The following ATP10B variants were observed in gnomAD, a reference collection of about 807,000 sequenced individuals.
ATP10B encodes ATPase phospholipid transporting 10B (putative).
ATP10B carries 122 observed loss-of-function variants against 141.2 expected under a neutral mutation model. That is an observed-to-expected ratio of 0.86 (90% CI 0.75 to 1.00). The LOEUF (loss-of-function observed/expected upper bound fraction) is 1.00, where lower values mean the gene tolerates loss of function less well. ATP10B is among the 50% of genes least tolerant of loss of function. The pLI, the probability that ATP10B is intolerant of heterozygous loss-of-function variation, is 0.00. For synonymous variants in ATP10B, 685 were observed against 692.0 expected, an observed-to-expected ratio of 0.99 and a Z score of 0.16; for missense variants, 1,876 against 1,825.3, an observed-to-expected ratio of 1.03 and a Z score of -0.51.
rs143345969 is a variant in ATP10B, at chr5:160,834,044, G to A, written c.-576+17897C>T. On this transcript the variant is annotated intron_variant, in intron 1 of 25. Transcript: ENST00000327245. ...TGGTTGTTAAAATCATAACCAAAAGGCTGTGCATGGTGGCTCATGCCTATA... is the reference window on the plus strand; with the variant it reads ...TGGTTGTTAAAATCATAACCAAAAGACTGTGCATGGTGGCTCATGCCTATA... Among the ~76,000 whole-genome samples, 2 of 151,992 alleles carry A rather than the reference G, an allele frequency of 1.3e-5. 1 individual carries two copies.
intron 1 of ATP10B, among the ~76,000 whole-genome samples, chr5:160,811,678 C>A (rs148429744): frequency 6.6e-6 from 1 of 152,142 alleles, no homozygotes; most frequent in Non-Finnish European, 1.5e-5. Flanking sequence ...AGCTGCAATA[C>A]AGCAGAACAC....
chr5:160,618,742 G>C (rs577589072), intron 15 of ATP10B, among the ~76,000 whole-genome samples: 1 of 152,130 alleles, frequency 6.6e-6, no homozygotes, highest in Non-Finnish European at 1.5e-5. Context: ...AGGTTGGCTG[G>C]TGTGGGGTGG....
intron 13 of ATP10B, among the ~76,000 whole-genome samples, chr5:160,624,683 T>C (rs531996672): frequency 2.6e-5 from 4 of 152,334 alleles, no homozygotes; most frequent in African/African-American, 9.6e-5. Context: ...TCCCAAGCAA[T>C]GTCATTTATA....
At chr5:160,815,376 T>C (rs958326998) in intron 1 of ATP10B, among the ~76,000 whole-genome samples, 2 of 151,842 alleles carry the variant, frequency 1.3e-5, no homozygotes, top group African/African-American at 4.8e-5. Context: ...TGAACAAAGA[T>C]CAAAAGAGAA....
chr5:160,659,248 G>A (rs2127710170), intron 7 of ATP10B, among the ~76,000 whole-genome samples: 1 of 152,178 alleles, frequency 6.6e-6, no homozygotes, highest in Middle Eastern at 3.4e-3. Context: ...GGTGGATCAC[G>A]AGGTCAGGAG....
upstream of ATP10B, among the ~76,000 whole-genome samples, chr5:160,854,653 A>G (rs559188205): frequency 6.6e-6 from 1 of 152,234 alleles, no homozygotes; most frequent in South Asian, 2.1e-4. Context: ...GTGTCTTTAT[A>G]GTAGAATGAC....
chr5:160,828,468 A>G (rs1022741609), intron 1 of ATP10B, among the ~76,000 whole-genome samples: 2 of 152,034 alleles, frequency 1.3e-5, no homozygotes, highest in African/African-American at 2.4e-5. Flanking sequence ...GCTCATCATC[A>G]CTAGCCATCA....
At chr5:160,812,487 T>G (rs993099651) in intron 1 of ATP10B, among the ~76,000 whole-genome samples, 1 of 152,098 alleles carries the variant, frequency 6.6e-6, no homozygotes, top group Admixed American at 6.6e-5. Flanking sequence ...TTGAGGAAAC[T>G]CCAAGAAATC....
At chr5:160,732,999 T>G (rs1470204058) in intron 2 of ATP10B, among the ~76,000 whole-genome samples, 1 of 152,154 alleles carries the variant, frequency 6.6e-6, no homozygotes, top group Non-Finnish European at 1.5e-5. Context: ...GTGAGCATCA[T>G]TGGTATTTTG....
chr5:160,761,844 TA>T (rs931294940), intron 2 of ATP10B, among the ~76,000 whole-genome samples: 1 of 151,666 alleles, frequency 6.6e-6, no homozygotes, highest in African/African-American at 2.4e-5. Context: ...AAATGTAGGA[TA>T]TGGATGGAAA....
intron 2 of ATP10B, among the ~76,000 whole-genome samples, 177 bp downstream of exon 2, chr5:160,785,382 G>GTTTA: frequency 6.6e-6 from 1 of 152,126 alleles, no homozygotes; most frequent in East Asian, 1.9e-4. Flanking sequence ...ATCAGCTGAC[G>GTTTA]TTTATTTTAC....
the ATP10B span, among the ~76,000 whole-genome samples, chr5:160,921,885 C>A: frequency 6.6e-6 from 1 of 152,194 alleles, no homozygotes; most frequent in East Asian, 1.9e-4. Context: ...GCAGCCTTTT[C>A]TAAGTGCTAG....
rs371317938 is a variant in ATP10B at position 160,767,129 on chromosome 5, T to TA, written c.-331+18429dup. ...GATAGCTGATGAGCTTAAAAAAAAGTAAAAAAAATCCCATAGTGTTTTAAG... is the reference window on the plus strand; with the variant it reads ...GATAGCTGATGAGCTTAAAAAAAAGTAAAAAAAAATCCCATAGTGTTTTAAG... On this transcript the variant is annotated intron_variant, in intron 2 of 25. Transcript: ENST00000327245. Among the ~76,000 whole-genome samples, 103 of 152,130 alleles carry TA rather than the reference T, an allele frequency of 6.8e-4. 1 individual carries two copies. Among genetic ancestry groups the TA allele is most frequent in the African/African-American group, 1.5e-3 (64 of 41,512 alleles).
chr5:160,826,826 T>C lies in ATP10B; in HGVS notation c.-576+25115A>G, dbSNP rs149185098. Among the ~76,000 whole-genome samples the C allele has an allele frequency of 6.0e-3, 916 of 152,262 alleles. 13 individuals are homozygous for C. Among genetic ancestry groups the C allele is most frequent in the African/African-American group, 0.021 (872 of 41,552 alleles). ...TACAGTTGAGATAAGGACTGAAATA[T>C]GCCCTGGTCTCCTGCAGTACCCTCA... On this transcript the variant is annotated intron_variant, in intron 1 of 25. Transcript: ENST00000327245.
intron 9 of ATP10B, 92 bp downstream of exon 9, chr5:160,644,046 T>G: frequency 9.7e-7 from 1 of 1,032,976 alleles, no homozygotes; most frequent in Non-Finnish European, 1.5e-6. Flanking sequence ...GAAGTTACTG[T>G]GAACAGTTGT....
chr5:160,883,060 G>A, the ATP10B span, among the ~76,000 whole-genome samples: 12 of 152,128 alleles, frequency 7.9e-5, no homozygotes, highest in African/African-American at 2.9e-4. Flanking sequence ...ATATAGGAAT[G>A]GGAAAAGCAA....
intron 1 of ATP10B, among the ~76,000 whole-genome samples, chr5:160,809,196 T>C (rs1467102119): frequency 2.0e-5 from 3 of 152,208 alleles, no homozygotes; most frequent in Non-Finnish European, 4.4e-5. Context: ...TGTAGCTTGT[T>C]TTACTTCTTC....
chr5:160,896,565 CA>C, the ATP10B span, among the ~76,000 whole-genome samples: 1 of 152,042 alleles, frequency 6.6e-6, no homozygotes, highest in African/African-American at 2.4e-5. Flanking sequence ...GCCTATTAAT[CA>C]AAAAAAGCCC....
At chr5:160,648,574 A>G (rs1760464029) in intron 8 of ATP10B, among the ~76,000 whole-genome samples, 1 of 152,210 alleles carries the variant, frequency 6.6e-6, no homozygotes. Context: ...AATAAGAATA[A>G]CAATTATCCT....
Sources: gnomAD v4.1 joint callset for allele counts (sites outside exome capture counted in the v4.1 genomes callset) on GRCh38, gnomAD v4.1.1 for gene constraint, MANE v1.5 for transcripts, NCBI Gene and HGNC (gene_info 2026-07-23, HGNC 2026-07-21) for gene names.